Variants in HOOK2 observed in about 807,000 individuals in gnomAD.
HOOK2 encodes hook microtubule tethering protein 2.
Under a neutral mutation model 111.9 loss-of-function variants are expected in HOOK2, and 108 were observed. That is an observed-to-expected ratio of 0.96 (90% CI 0.83 to 1.13). HOOK2 has a LOEUF of 1.13. Ranked by LOEUF, HOOK2 falls within the 50% of genes most tolerant of loss-of-function variation. The pLI is 0.00. For missense variants in HOOK2, 978 were observed against 951.3 expected (o/e 1.03, Z -0.37); for synonymous variants, 405 against 394.3 (o/e 1.03, Z -0.32).
Position 12,772,811 on chromosome 19 carries a change from C to A in HOOK2, c.357G>T (p.Leu119=). 6.2e-7 allele frequency: 1 copy of A among 1,614,222 alleles called. No homozygotes were observed. Among genetic ancestry groups the A allele is most frequent in the Non-Finnish European group, 8.5e-7 (1 of 1,180,050 alleles). The part of the protein sequence containing the change: ...AELGKLLQLV[L]GCAISCEKKQ... Reference sequence around the variant, plus strand: ...TTTTCTCGCAACTGATGGCACAGCCCAGCACCAGCTGAAGCAGCTTGCCGA... The same window carrying A: ...TTTTCTCGCAACTGATGGCACAGCCAAGCACCAGCTGAAGCAGCTTGCCGA... The change falls in exon 5 of 23, where the codon CTG becomes CTT. Residue 119 remains leucine, a synonymous_variant. Coordinates refer to ENST00000397668, the MANE Select transcript of HOOK2 (RefSeq NM_013312.3).
intron 20 of HOOK2, chr19:12,764,280 C>G (rs1239225086): frequency 6.3e-6 from 1 of 157,496 alleles, no homozygotes; most frequent in Non-Finnish European, 1.4e-5. Flanking sequence ...TCCCAAAGTG[C>G]TGGGATTAGC....
chr19:12,791,739 A>G lies in HOOK2; in HGVS notation n.42-17514T>C. The G allele has an allele frequency of 6.6e-7, 1 of 1,517,390 alleles. No homozygotes were observed. The highest frequency in any genetic ancestry group is 9.0e-7 in the Non-Finnish European group (1 of 1,117,244). The allele number at this position is 1,517,390 out of a possible 1,614,324, so 94.0% of individuals were successfully genotyped here. A position where few individuals can be genotyped will look rare whatever the true frequency, so the allele number is the denominator to read the frequency against. On this transcript the variant is annotated intron_variant and non_coding_transcript_variant, in intron 3 of 3. Coordinates refer to the HOOK2 transcript ENST00000589765. This position sits in a 1 kb window ranked among gnomAD's most constrained non-coding sequence, Gnocchi z 7.0. Reference sequence around the variant, plus strand: ...GCAGCGAGGCCCGGAGCGGCCCCGCAGGGACCCTCCCCAGACCGCCTGGGC... The same window carrying G: ...GCAGCGAGGCCCGGAGCGGCCCCGCGGGGACCCTCCCCAGACCGCCTGGGC...
chr19:12,772,950 C>T (rs748399843), intron 4 of HOOK2, 38 bp from the exon 5 acceptor site: 4 of 1,614,056 alleles, frequency 2.5e-6, no homozygotes, highest in Non-Finnish European at 8.5e-7. Flanking sequence ...ATGGGCCCAC[C>T]CTTCTCCCAA....
rs769854500 is a variant in HOOK2, at chr19:12,772,859, T to C, written c.309A>G (p.Gly103=). 3.1e-6 allele frequency: 5 copies of C among 1,614,062 alleles called. No homozygotes were observed. The highest frequency in any genetic ancestry group is 8.5e-7 in the Non-Finnish European group (1 of 1,180,046). Residue 103 remains glycine (G), a synonymous_variant, in exon 5 of 23, where the codon GGA becomes GGG. Coordinates refer to ENST00000397668, the MANE Select transcript of HOOK2 (RefSeq NM_013312.3). ...EEHLPDVSLI[G]EFSDPAELGK... ...CGAGCTCTGCCGGGTCTGAGAACTC[T>C]CCAATGAGGCTCACATCTGGGAGAT...
upstream of HOOK2, among the ~76,000 whole-genome samples, chr19:12,779,130 C>G (rs1047538287): frequency 4.6e-5 from 7 of 152,226 alleles, no homozygotes; most frequent in Admixed American, 2.6e-4. Context: ...TCTGGGCCAG[C>G]AGCCCCCAGC....
chr19:12,771,363 T>A, intron 8 of HOOK2, 34 bp downstream of exon 8: 1 of 1,609,340 alleles, frequency 6.2e-7, no homozygotes, highest in Non-Finnish European at 8.5e-7. Flanking sequence ...GGAGAGGGGC[T>A]ACTCAAGTGA....
intron 20 of HOOK2, 48 bp from the exon 21 acceptor site, chr19:12,763,826 C>A (rs1968068765): frequency 7.5e-7 from 1 of 1,332,612 alleles, no homozygotes; most frequent in East Asian, 2.3e-5. Context: ...CTTGAAACCC[C>A]CTGGGACATA....
At chr19:12,785,141 T>G (rs1463784379) in intron 3 of HOOK2, 1 of 152,738 alleles carries the variant, frequency 6.5e-6, no homozygotes, top group East Asian at 1.9e-4. Context: ...TGACAAAACC[T>G]GTTTGCACAC....
chr19:12,773,241 T>TC, intron 3 of HOOK2, 197 bp from the exon 4 acceptor site: 1 of 546,442 alleles, frequency 1.8e-6, no homozygotes, highest in Non-Finnish European at 3.2e-6. Context: ...CTTTTTTTTT[T>TC]TTTTTTTTTT....
Position 12,770,083 on chromosome 19 carries a change from C to A in HOOK2, c.903-1G>T. ...CTGCCCAGCACGCTCCGAAGACTGC[C>A]TAGGGGAGTGGGAGGGAAGGGGGAG... On this transcript the variant is annotated splice_acceptor_variant, in intron 10 of 22. Transcript: ENST00000397668. LOFTEE classifies it high-confidence loss of function. 1 of 1,493,600 alleles carries A rather than the reference C, an allele frequency of 6.7e-7. No homozygotes were observed. The highest frequency in any genetic ancestry group is 8.9e-7 in the Non-Finnish European group (1 of 1,122,330). 92.5% of individuals were successfully genotyped at this position (1,493,600 alleles called of 1,614,324 possible). A position where few individuals can be genotyped will look rare whatever the true frequency, so the allele number is the denominator to read the frequency against.
chr19:12,764,561 C>G, intron 20 of HOOK2: 2 of 511,890 alleles, frequency 3.9e-6, no homozygotes, highest in South Asian at 4.9e-5. Flanking sequence ...AACTCCTGAC[C>G]TCATGTTCCG....
rs773620837 is a variant in HOOK2 at position 12,767,442 on chromosome 19, G to C, written c.1326C>G (p.Ser442=). The change falls in exon 14 of 23, where the codon TCC becomes TCG. Residue 442 remains serine, a synonymous_variant. Coordinates refer to ENST00000397668, the MANE Select transcript of HOOK2 (RefSeq NM_013312.3). ...CTGCGGCTAAGTTATCCACGGGTGT[G>C]GAGGTGGGATCCAGTGAGGGATCTG... ...TQADPSLDPT[S]TPVDNLAAEI... is the part of the protein sequence containing the mutation. 3 of 1,614,052 alleles carry C rather than the reference G, an allele frequency of 1.9e-6. No individual in the cohort carries two copies. Among genetic ancestry groups the C allele is most frequent in the African/African-American group, 1.3e-5 (1 of 75,016 alleles).
intron 1 of HOOK2, 121 bp downstream of exon 1, chr19:12,775,284 A>G: frequency 6.7e-7 from 1 of 1,486,022 alleles, no homozygotes; most frequent in Non-Finnish European, 8.9e-7. Flanking sequence ...CCAACGGTCC[A>G]GCAAGTCGAC....
In HOOK2 at chr19:12,766,249, C is replaced by G; in HGVS notation, c.1374-9G>C. On this transcript the variant is annotated splice_polypyrimidine_tract_variant and intron_variant, in intron 14 of 22. Coordinates refer to ENST00000397668, the MANE Select transcript of HOOK2 (RefSeq NM_013312.3). ...GCCGCAGGAGCGTCTCCCTGCAGAC[C>G]CGGGAGGAGAGAGCAGGGCCAGGGT... 1.3e-6 allele frequency: 2 copies of G among 1,560,996 alleles called. No homozygotes were observed. The highest frequency in any genetic ancestry group is 8.6e-7 in the Non-Finnish European group (1 of 1,159,474).
chr19:12,787,870 T>C (rs1245698385), intron 3 of HOOK2, among the ~76,000 whole-genome samples: 1 of 151,310 alleles, frequency 6.6e-6, no homozygotes, highest in African/African-American at 2.4e-5. Flanking sequence ...GCCTGACCAA[T>C]ATGGTGAAAC....
At chr19:12,766,425 G>T in intron 14 of HOOK2, 185 bp from the exon 15 acceptor site, 1 of 683,494 alleles carries the variant, frequency 1.5e-6, no homozygotes, top group Non-Finnish European at 2.3e-6. Context: ...AGTGGACGGA[G>T]CTCTAAGCTG....
In HOOK2 at chr19:12,763,789, AG is replaced by A. The variant is rs756792409; in HGVS notation, c.1828-12del. ...CATGGTCTGCATGACCTACAGGTTGAGGAAGTCATAGCCAGGTGACTTTGGC... is the reference window on the plus strand; with the variant it reads ...CATGGTCTGCATGACCTACAGGTTGAGAAGTCATAGCCAGGTGACTTTGGC... On this transcript the variant is annotated splice_polypyrimidine_tract_variant and intron_variant, in intron 20 of 22. Coordinates refer to ENST00000397668, the MANE Select transcript of HOOK2 (RefSeq NM_013312.3). 2.7e-5 allele frequency: 43 copies of A among 1,609,334 alleles called. No individual in the cohort carries two copies. The East Asian group carries it at 8.9e-4, about 33-fold the overall frequency.
At chr19:12,783,178 C>T (rs1968624046), upstream of HOOK2, among the ~76,000 whole-genome samples, 3 of 152,036 alleles carry the variant, frequency 2.0e-5, no homozygotes, top group South Asian at 4.1e-4. Flanking sequence ...GAGGGGGCTG[C>T]GGAGTCTGGG....
chr19:12,771,316 T>G lies in HOOK2; in HGVS notation c.604A>C (p.Met202Leu). ...QRCLDLERQL[M>L]LLSEEKQSLA... ...CTCTGCTTCTCCTCTGACAGGAGCA[T>G]CAGCTGCGGGCAGGGCAGAAAGATG... Residue 202 changes from methionine (M) to leucine (L), a missense_variant, in exon 9 of 23, where the codon ATG becomes CTG. This residue lies in a region of HOOK2 where 301 missense variants were observed against 286.1 expected (regional missense o/e 1.05). Transcript: ENST00000397668. 2 of 1,603,898 alleles carry G rather than the reference T, an allele frequency of 1.2e-6. No homozygotes were observed. Among genetic ancestry groups the G allele is most frequent in the South Asian group, 2.2e-5 (2 of 89,448 alleles).
Sources: allele counts gnomAD v4.1 joint callset (sites outside exome capture counted in the v4.1 genomes callset), GRCh38; gene constraint gnomAD v4.1.1; regional missense constraint gnomAD v4.1.1; non-coding constraint Gnocchi (gnomAD v3.1); transcripts MANE v1.5; gene names NCBI Gene and HGNC (gene_info 2026-07-23, HGNC 2026-07-21).